Variants in FBXW8 observed in about 807,000 individuals in gnomAD.
The protein encoded by FBXW8 is F-box and WD repeat domain containing 8.
FBXW8 carries 57 observed loss-of-function variants against 65.3 expected under a neutral mutation model. The ratio of observed to expected loss-of-function variants is 0.87; its 90% CI spans 0.71 to 1.09. The LOEUF is 1.09. Ranked by LOEUF, FBXW8 falls within the 50% of genes least tolerant of loss-of-function variation. The pLI, the probability that FBXW8 is intolerant of heterozygous loss-of-function variation, is 0.00. For missense variants in FBXW8, 777 were observed against 814.8 expected, an observed-to-expected ratio of 0.95 and a Z score of 0.57; for synonymous variants, 308 against 330.2, an observed-to-expected ratio of 0.93 and a Z score of 0.73.
intron 4 of FBXW8, among the ~76,000 whole-genome samples, chr12:116,951,876 C>T (rs1271938920): frequency 2.6e-5 from 4 of 152,212 alleles, no homozygotes; most frequent in Non-Finnish European, 4.4e-5. Context: ...ATCATGTGAA[C>T]AGGACCTGGT....
At chr12:116,956,501 C>G (rs1490488786) in intron 4 of FBXW8, among the ~76,000 whole-genome samples, 6 of 152,136 alleles carry the variant, frequency 3.9e-5, no homozygotes, top group African/African-American at 1.4e-4. Context: ...ATTCATACAC[C>G]CTGGCGTCAG....
At chr12:116,979,797 CACTT>C (rs1042131030) in intron 5 of FBXW8, among the ~76,000 whole-genome samples, 1 of 117,342 alleles carries the variant, frequency 8.5e-6, no homozygotes, top group Non-Finnish European at 1.7e-5. Context: ...AAAAAAAAAA[CACTT>C]GCTTCTTATG....
intron 9 of FBXW8, 40 bp from the exon 10 acceptor site, chr12:117,027,354 G>A: frequency 1.3e-6 from 2 of 1,536,970 alleles, no homozygotes; most frequent in Non-Finnish European, 1.8e-6. Flanking sequence ...TGCAGGCCCA[G>A]TGGACGCCCC....
At chr12:117,021,724 A>C (rs1954103868) in intron 8 of FBXW8, among the ~76,000 whole-genome samples, 1 of 152,262 alleles carries the variant, frequency 6.6e-6, no homozygotes, top group East Asian at 1.9e-4. Context: ...CACTGATAAG[A>C]AGTCTACCCA....
chr12:116,913,329 C>A (rs565123619), intron 1 of FBXW8, among the ~76,000 whole-genome samples: 1 of 152,286 alleles, frequency 6.6e-6, no homozygotes, highest in African/African-American at 2.4e-5. Context: ...CTTTGAACAA[C>A]CTGGGGGGTT....
At chr12:116,919,452 A>G (rs1301748992) in intron 1 of FBXW8, among the ~76,000 whole-genome samples, 1 of 152,232 alleles carries the variant, frequency 6.6e-6, no homozygotes, top group African/African-American at 2.4e-5. Flanking sequence ...AGGCAATGAA[A>G]TAGGCATGGA....
intron 5 of FBXW8, 46 bp from the exon 6 acceptor site, chr12:116,985,160 T>C (rs1187578872): frequency 4.0e-6 from 6 of 1,494,244 alleles, no homozygotes; most frequent in Non-Finnish European, 5.4e-6. Context: ...ATTGAACATA[T>C]TAAGTAAATT....
rs1268726680 is a variant in FBXW8, at chr12:117,029,375, T to TG, written c.*1205dup. On this transcript the variant is annotated 3_prime_UTR_variant, in exon 11 of 11. Coordinates refer to ENST00000652555, the MANE Select transcript of FBXW8 (RefSeq NM_153348.3). ...AATTCCAGACACTCCTGAATTTACT[T>TG]GGATTTAAAGAGGTTAATAAAAACA... 1 of 152,084 alleles carries TG rather than the reference T, an allele frequency of 6.6e-6. No individual in the cohort carries two copies. Among genetic ancestry groups the TG allele is most frequent in the Non-Finnish European group, 1.5e-5 (1 of 68,022 alleles). The allele number at this position is 152,084 out of a possible 1,614,324, so 9.4% of individuals were successfully genotyped here. A position where few individuals can be genotyped will look rare whatever the true frequency, so the allele number is the denominator to read the frequency against.
chr12:116,987,579 C>A (rs1225293796), intron 6 of FBXW8, among the ~76,000 whole-genome samples: 1 of 152,166 alleles, frequency 6.6e-6, no homozygotes, highest in Non-Finnish European at 1.5e-5. Context: ...ACGTTGAAAC[C>A]AGGAGACAGC....
At chr12:117,012,853 A>G (rs1337297038) in intron 8 of FBXW8, among the ~76,000 whole-genome samples, 4 of 152,204 alleles carry the variant, frequency 2.6e-5, no homozygotes, top group Admixed American at 6.5e-5. Context: ...GGTACATAAA[A>G]CTGCCCCAGA....
At chr12:116,948,191 A>G (rs1883054371) in intron 3 of FBXW8, among the ~76,000 whole-genome samples, 1 of 152,204 alleles carries the variant, frequency 6.6e-6, no homozygotes, top group African/African-American at 2.4e-5. Flanking sequence ...TGTGGTGGCC[A>G]TAGTGTTTTT....
At chr12:116,980,651 G>C (rs147546511) in intron 5 of FBXW8, among the ~76,000 whole-genome samples, 1 of 152,256 alleles carries the variant, frequency 6.6e-6, no homozygotes, top group African/African-American at 2.4e-5. Flanking sequence ...TTTGAGAAGT[G>C]AATTTCCTTG....
At chr12:116,969,395 T>C (rs1429386335) in intron 5 of FBXW8, among the ~76,000 whole-genome samples, 4 of 152,220 alleles carry the variant, frequency 2.6e-5, no homozygotes, top group African/African-American at 9.6e-5. Context: ...TGGCGTTACC[T>C]TTGGTCCCCC....
intron 7 of FBXW8, among the ~76,000 whole-genome samples, chr12:117,001,578 C>T (rs1307244806): frequency 6.6e-6 from 1 of 152,034 alleles, no homozygotes; most frequent in Admixed American, 6.6e-5. Context: ...AAAGAGTTCA[C>T]TTCATAGTTT....
At chr12:117,001,547 A>T (rs1015683137) in intron 7 of FBXW8, among the ~76,000 whole-genome samples, 4 of 152,190 alleles carry the variant, frequency 2.6e-5, no homozygotes, top group Non-Finnish European at 5.9e-5. Flanking sequence ...TCAAAATAGT[A>T]TGCAAGTTGC....
At chr12:116,960,941 G>A (rs1323221273) in intron 4 of FBXW8, among the ~76,000 whole-genome samples, 1 of 152,180 alleles carries the variant, frequency 6.6e-6, no homozygotes, top group Non-Finnish European at 1.5e-5. Context: ...TGAGGGGTTG[G>A]TAGGATTGGG....
At chr12:116,998,314 C>G (rs1422929069) in intron 7 of FBXW8, among the ~76,000 whole-genome samples, 2 of 152,180 alleles carry the variant, frequency 1.3e-5, no homozygotes, top group Non-Finnish European at 2.9e-5. Context: ...TGCCTAGTTC[C>G]TGTATGCCAA....
chr12:116,983,160 C>G (rs1885440286), intron 5 of FBXW8, among the ~76,000 whole-genome samples: 1 of 151,996 alleles, frequency 6.6e-6, no homozygotes, highest in Non-Finnish European at 1.5e-5. Flanking sequence ...TGTGATGTCT[C>G]AAAACAAATG....
chr12:116,958,652 C>A (rs147427863), intron 4 of FBXW8, among the ~76,000 whole-genome samples: 1 of 152,256 alleles, frequency 6.6e-6, no homozygotes, highest in South Asian at 2.1e-4. Flanking sequence ...GGGAGGAGCA[C>A]GGTGCCATAA....
Sources: allele counts gnomAD v4.1 joint callset (sites outside exome capture counted in the v4.1 genomes callset), GRCh38; gene constraint gnomAD v4.1.1; transcripts MANE v1.5; gene names NCBI Gene and HGNC (gene_info 2026-07-23, HGNC 2026-07-21).